SRCAP: variants seen among roughly 807,000 people sequenced by gnomAD.
SRCAP encodes chromatin remodeling protein SRCAP.
A neutral mutation model predicts 263.1 loss-of-function variants in SRCAP; 46 were observed. The ratio of observed to expected loss-of-function variants is 0.17; its 90% CI spans 0.14 to 0.22. The LOEUF is 0.22. Among genes scored for constraint, SRCAP ranks in the 10% least tolerant of loss-of-function variants. The pLI is 1.00. For synonymous variants in SRCAP, 1,813 were observed against 1,662.1 expected, an observed-to-expected ratio of 1.09 and a Z score of -2.21; for missense variants, 3,695 against 4,181.9, an observed-to-expected ratio of 0.88 and a Z score of 3.21.
intron 18 of SRCAP, among the ~76,000 whole-genome samples, chr16:30,717,922 T>G (rs2052969059): frequency 6.6e-6 from 1 of 151,630 alleles, no homozygotes; most frequent in South Asian, 2.1e-4. Flanking sequence ...GATTTTTTTT[T>G]TTTTTTTTAG....
chr16:30,737,709 G>A lies in SRCAP; in HGVS notation c.7669G>A (p.Ala2557Thr), dbSNP rs2053174536. 2 of 1,614,058 alleles carry A rather than the reference G, an allele frequency of 1.2e-6. No individual in the cohort carries two copies. The highest frequency in any genetic ancestry group is 1.7e-6 in the Non-Finnish European group (2 of 1,180,046). ...LRPEAELCAQ[A>T]LASPESLELA... is the part of the protein sequence containing the mutation. ...GCCTGAGGCAGAGCTGTGTGCCCAG[G>A]CATTGGCATCTCCAGAGTCCCTGGA... The change falls in exon 34 of 34, where the codon GCA becomes ACA. Residue 2557 changes from alanine (A) to threonine (T), a missense_variant. Physicochemically the swap from Ala to Thr is moderately conservative, Grantham distance 58 (BLOSUM62 0). Around this residue, in one of 12 missense-constraint regions of SRCAP, gnomAD observed 1,207 missense variants for 1,142.9 expected, o/e 1.06. Coordinates refer to ENST00000262518, the MANE Select transcript of SRCAP (RefSeq NM_006662.3).
rs750800300 is a variant in SRCAP, at chr16:30,709,908, T to C, written c.914T>C (p.Val305Ala). Residue 305 changes from valine to alanine, a missense_variant, in exon 8 of 34, where the codon GTT (valine) becomes GCT (alanine). Physicochemically the swap from Val to Ala is moderately conservative, Grantham distance 64. Coordinates refer to ENST00000262518, the MANE Select transcript of SRCAP (RefSeq NM_006662.3). ...GAGGATGATGAGGAAACGATTGAAG[T>C]TGAAGAACAACAGGAAGGCAATGAT... Reference protein sequence around the residue: ...EEEDDEETIEVEEQQEGNDAE... With the variant: ...EEEDDEETIEAEEQQEGNDAE... The C allele has an allele frequency of 1.2e-6, 2 of 1,614,110 alleles. No individual in the cohort carries two copies. The highest frequency in any genetic ancestry group is 3.3e-5 in the Admixed American group (2 of 60,020).
chr16:30,737,598 C>T lies in SRCAP; in HGVS notation c.7558C>T (p.Leu2520Phe), dbSNP rs768604627. ...TACACCGCCTCCAGCCCAAACCTGT[C>T]TTGTAACTCCTTCCTCTCCTCTCTT... The part of the protein sequence containing the change: ...AHTPPPAQTC[L>F]VTPSSPLLLG... The change falls in exon 34 of 34, where the codon CTT (leucine) becomes TTT (phenylalanine). Residue 2520 changes from leucine (L) to phenylalanine (F), a missense_variant. Around this residue, in one of 12 missense-constraint regions of SRCAP, gnomAD observed 1,207 missense variants for 1,142.9 expected, o/e 1.06. Transcript: ENST00000262518. The T allele has an allele frequency of 2.5e-6, 4 of 1,613,980 alleles. No individual in the cohort carries two copies. Among genetic ancestry groups the T allele is most frequent in the Non-Finnish European group, 3.4e-6 (4 of 1,180,042 alleles).
Position 30,724,670 on chromosome 16 carries a change from C to T in SRCAP, c.5246C>T (p.Ala1749Val). 1.2e-6 allele frequency: 2 copies of T among 1,614,220 alleles called. No individual in the cohort carries two copies. Among genetic ancestry groups the T allele is most frequent in the Non-Finnish European group, 8.5e-7 (1 of 1,180,046 alleles). Reference protein sequence around the residue: ...PLGPTQTLSLAPAPPLAPASP... With the variant: ...PLGPTQTLSLVPAPPLAPASP... ...GGTCCAACTCAGACGCTGTCTCTGG[C>T]TCCAGCACCCCCTCTGGCTCCAGCT... Residue 1749 changes from alanine to valine, a missense_variant, in exon 25 of 34, where the codon GCT becomes GTT. Coordinates refer to ENST00000262518, the MANE Select transcript of SRCAP (RefSeq NM_006662.3).
chr16:30,739,002 A>T lies in SRCAP; in HGVS notation c.8962A>T (p.Thr2988Ser), dbSNP rs779147140. Residue 2988 changes from threonine to serine, a missense_variant, in exon 34 of 34, where the codon ACT becomes TCT. Thr to Ser is a moderately conservative substitution (Grantham distance 58). Around this residue, in one of 12 missense-constraint regions of SRCAP, gnomAD observed 1,207 missense variants for 1,142.9 expected, o/e 1.06. Transcript: ENST00000262518. ...LPPLLVCPTA[T>S]VANTVTTVTI... is the part of the protein sequence containing the mutation. Reference sequence around the variant, plus strand: ...ACCACTGCTAGTTTGTCCCACTGCTACTGTTGCCAACACTGTCACCACTGT... The same window carrying T: ...ACCACTGCTAGTTTGTCCCACTGCTTCTGTTGCCAACACTGTCACCACTGT... The T allele has an allele frequency of 6.2e-7, 1 of 1,614,044 alleles. No homozygotes were observed. Among genetic ancestry groups the T allele is most frequent in the South Asian group, 1.1e-5 (1 of 91,058 alleles).
chr16:30,716,380 G>T lies in SRCAP; in HGVS notation c.2718G>T (p.Leu906=). 5 of 1,614,152 alleles carry T rather than the reference G, an allele frequency of 3.1e-6. No homozygotes were observed. The highest frequency in any genetic ancestry group is 4.2e-6 in the Non-Finnish European group (5 of 1,180,040). The part of the protein sequence containing the change: ...QLRKVCNHPN[L]FDPRPVTSPF... ...GAAAAGTTTGCAATCATCCAAATCT[G>T]TTCGACCCTCGACCGGTTACCTCCC... is the stretch of plus-strand genomic sequence containing the variant. The change falls in exon 18 of 34, where the codon CTG becomes CTT. Residue 906 remains leucine, a synonymous_variant. Transcript: ENST00000262518.
Position 30,738,331 on chromosome 16 carries a change from T to TGCA in SRCAP, c.8293_8294insAGC (p.Val2764_Arg2765insGln). On this transcript the variant is annotated inframe_insertion, in exon 34 of 34. Coordinates refer to ENST00000262518, the MANE Select transcript of SRCAP (RefSeq NM_006662.3). ...ACTGTGGTAGAGGAAAAGGAACTGGTGCGGCGGCGGCGGCAGCAGCGGGGA... is the reference window on the plus strand; with the variant it reads ...ACTGTGGTAGAGGAAAAGGAACTGGTGCAGCGGCGGCGGCGGCAGCAGCGGGGA... 1 of 1,580,602 alleles carries TGCA rather than the reference T, an allele frequency of 6.3e-7. No individual in the cohort carries two copies. Among genetic ancestry groups the TGCA allele is most frequent in the Non-Finnish European group, 8.6e-7 (1 of 1,162,712 alleles).
In SRCAP at chr16:30,716,584, C is replaced by G. The variant is rs558197748; in HGVS notation, c.2817+105C>G. 3.3e-5 allele frequency: 32 copies of G among 976,728 alleles called. No individual in the cohort carries two copies. In the African/African-American group the frequency reaches 4.7e-4, roughly 14 times the overall value. The allele number at this position is 976,728 out of a possible 1,614,324, so 60.5% of individuals were successfully genotyped here. Reference sequence around the variant, plus strand: ...GTCTGACTTTTGCATCCTCATGACTCCCCTATCATTCCCTTAGTTTTATTG... The same window carrying G: ...GTCTGACTTTTGCATCCTCATGACTGCCCTATCATTCCCTTAGTTTTATTG... On this transcript the variant is annotated intron_variant, in intron 18 of 33. Coordinates refer to ENST00000262518, the MANE Select transcript of SRCAP (RefSeq NM_006662.3).
rs780953753 is a variant in SRCAP, at chr16:30,723,683, C to T, written c.4259C>T (p.Ser1420Phe). ...TCTTCTCCAATGCCAATTCCCAACT[C>T]CTCTCCCCTTGCTAGTCCTGTGTCC... is the stretch of plus-strand genomic sequence containing the variant. ...PASSPMPIPN[S>F]SPLASPVSST... Residue 1420 changes from serine to phenylalanine, a missense_variant, in exon 25 of 34, where the codon TCC (serine) becomes TTC (phenylalanine). By Grantham distance (155) the Ser-to-Phe change is radical. Around this residue, in one of 12 missense-constraint regions of SRCAP, gnomAD observed 1,347 missense variants for 1,304.4 expected, o/e 1.03. Coordinates refer to ENST00000262518, the MANE Select transcript of SRCAP (RefSeq NM_006662.3). 16 of 1,613,982 alleles carry T rather than the reference C, an allele frequency of 9.9e-6. No homozygotes were observed. Among genetic ancestry groups the T allele is most frequent in the South Asian group, 3.3e-5 (3 of 91,086 alleles).
In SRCAP at chr16:30,739,099, G is replaced by A; in HGVS notation, c.9059G>A (p.Ser3020Asn). 1 of 1,614,212 alleles carries A rather than the reference G, an allele frequency of 6.2e-7. No individual in the cohort carries two copies. The highest frequency in any genetic ancestry group is 8.5e-7 in the Non-Finnish European group (1 of 1,180,034). ...AAGAATCCTCCATCACCTCGGCCCA[G>A]CCAGCTCCCCGTCTTGGACCGTGAC... is the stretch of plus-strand genomic sequence containing the variant. ...PPKNPPSPRPSQLPVLDRDST... is the reference protein window; with the variant it reads ...PPKNPPSPRPNQLPVLDRDST... The change falls in exon 34 of 34, where the codon AGC (serine) becomes AAC (asparagine). Residue 3020 changes from serine to asparagine, a missense_variant. Coordinates refer to ENST00000262518, the MANE Select transcript of SRCAP (RefSeq NM_006662.3).
rs1176611386 is a variant in SRCAP, at chr16:30,733,778, C to A, written c.6474C>A (p.Thr2158=). 6.2e-7 allele frequency: 1 copy of A among 1,613,818 alleles called. No homozygotes were observed. The highest frequency in any genetic ancestry group is 8.5e-7 in the Non-Finnish European group (1 of 1,179,850). The change falls in exon 29 of 34, where the codon ACC becomes ACA. Residue 2158 remains threonine (T), a synonymous_variant. Coordinates refer to ENST00000262518, the MANE Select transcript of SRCAP (RefSeq NM_006662.3). This position sits in a 1 kb window ranked among gnomAD's most constrained non-coding sequence, Gnocchi z 5.3. ...AQDRCHRIGQ[T]RDVHIYRLIS... ...ACCGCTGTCACCGAATTGGCCAGAC[C>A]CGGGATGTCCACATATATAGGTATT...
intron 27 of SRCAP, among the ~76,000 whole-genome samples, chr16:30,731,764 T>G (rs1038504239): frequency 1.3e-5 from 2 of 152,006 alleles, no homozygotes; most frequent in African/African-American, 4.8e-5. Flanking sequence ...GATGGCTGGA[T>G]TGCAGGAGCC....
intron 27 of SRCAP, among the ~76,000 whole-genome samples, chr16:30,730,189 A>G (rs1431331504): frequency 6.6e-6 from 1 of 152,244 alleles, no homozygotes; most frequent in Admixed American, 6.5e-5. Flanking sequence ...ACAGTGCAGC[A>G]TAGAGTTTTT....
chr16:30,708,116 C>G (rs896119817), intron 6 of SRCAP, among the ~76,000 whole-genome samples: 1 of 152,230 alleles, frequency 6.6e-6, no homozygotes, highest in African/African-American at 2.4e-5. Context: ...CCACTCCACA[C>G]CCACCTTTCT....
chr16:30,719,007 G>A (rs955860001), intron 18 of SRCAP, among the ~76,000 whole-genome samples: 1 of 150,342 alleles, frequency 6.7e-6, no homozygotes, highest in Non-Finnish European at 1.5e-5. Context: ...AGCGATTCTC[G>A]ATTCTTGTGC....
At chr16:30,709,404 T>C in intron 6 of SRCAP, 109 bp from the exon 7 acceptor site, 2 of 1,185,422 alleles carry the variant, frequency 1.7e-6, no homozygotes, top group South Asian at 1.3e-5. Context: ...TTTACTTTCC[T>C]AAGAGGCCAG....
chr16:30,710,592 G>T, intron 8 of SRCAP, 162 bp from the exon 9 acceptor site: 3 of 844,790 alleles, frequency 3.6e-6, no homozygotes, highest in Non-Finnish European at 6.1e-6. Context: ...GGTAGCTGGT[G>T]CTGAGAGAAA....
In SRCAP at chr16:30,720,914, A is replaced by G. The variant is rs1320491141; in HGVS notation, c.3189A>G (p.Ala1063=). The change falls in exon 20 of 34, where the codon GCA becomes GCG. Residue 1063 remains alanine (A), a synonymous_variant. Coordinates refer to ENST00000262518, the MANE Select transcript of SRCAP (RefSeq NM_006662.3). The part of the protein sequence containing the change: ...ASPAGPPLIP[A]SRPPGPVLLP... The stretch of plus-strand genomic sequence containing the variant: ...CTGCCGGGCCCCCGCTTATTCCTGC[A>G]TCTCGGCCTCCTGGCCCTGTCCTCT... 6 of 1,613,970 alleles carry G rather than the reference A, an allele frequency of 3.7e-6. No homozygotes were observed. Among genetic ancestry groups the G allele is most frequent in the Middle Eastern group, 1.6e-4 (1 of 6,082 alleles).
In SRCAP at chr16:30,741,182, C is replaced by G. The variant is rs1035725857; in HGVS notation, c.*1449C>G. On this transcript the variant is annotated 3_prime_UTR_variant, in exon 34 of 34. Coordinates refer to ENST00000262518, the MANE Select transcript of SRCAP (RefSeq NM_006662.3). The stretch of plus-strand genomic sequence containing the variant: ...CCTGACTTAGGGAAGTAAAGTCTTT[C>G]TGATGTTTGGTTTTAGTGGTAATAA... 6.6e-6 allele frequency: 1 copy of G among 152,200 alleles called. No individual in the cohort carries two copies. The highest frequency in any genetic ancestry group is 6.5e-5 in the Admixed American group (1 of 15,276). 9.4% of individuals were successfully genotyped at this position (152,200 alleles called of 1,614,324 possible).
Sources: gnomAD v4.1 joint callset for allele counts (sites outside exome capture counted in the v4.1 genomes callset) on GRCh38, gnomAD v4.1.1 for gene constraint, gnomAD v4.1.1 regional missense constraint, Gnocchi (gnomAD v3.1) non-coding constraint, MANE v1.5 for transcripts, NCBI Gene and HGNC (gene_info 2026-07-23, HGNC 2026-07-21) for gene names.